ACACA: variants seen among roughly 807,000 people sequenced by gnomAD.
The protein encoded by ACACA is acetyl-CoA carboxylase 1.
In ACACA, 103 loss-of-function variants were observed where a neutral mutation model predicts 296.1. That is an observed-to-expected ratio of 0.35 (90% CI 0.30 to 0.41). The LOEUF (loss-of-function observed/expected upper bound fraction) is 0.41. Ranked by LOEUF, ACACA falls within the 10% of genes least tolerant of loss-of-function variation. The pLI, the probability that ACACA is intolerant of heterozygous loss-of-function variation, is 1.00. For synonymous variants in ACACA, 953 were observed against 1,038.6 expected (o/e 0.92, Z 1.58); for missense variants, 1,554 against 2,989.7 (o/e 0.52, Z 11.20).
chr17:37,381,559 C>CT (rs993530367), intron 1 of ACACA, among the ~76,000 whole-genome samples: 39 of 150,822 alleles, frequency 2.6e-4, no homozygotes, highest in Non-Finnish European at 4.4e-4. Context: ...TTACCCCATA[C>CT]TTTTTTATAT....
chr17:37,289,511 C>T (rs1320819531), intron 3 of ACACA: 3 of 1,351,394 alleles, frequency 2.2e-6, no homozygotes, highest in Non-Finnish European at 2.9e-6. Context: ...ACTTCATATC[C>T]CACGAGTATT....
intron 1 of ACACA, among the ~76,000 whole-genome samples, chr17:37,348,279 A>T (rs1456721804): frequency 7.9e-5 from 12 of 152,168 alleles, no homozygotes; most frequent in Non-Finnish European, 1.5e-4. Context: ...AAGGGCAAAA[A>T]TTTTAATCTG....
chr17:37,151,210 C>T (rs2144137376), intron 44 of ACACA, 91 bp downstream of exon 44: 6 of 1,429,102 alleles, frequency 4.2e-6, no homozygotes, highest in African/African-American at 2.8e-5. Context: ...GAAATGCTCT[C>T]ATTTGGGACT....
intron 41 of ACACA, among the ~76,000 whole-genome samples, chr17:37,163,462 A>C (rs977059270): frequency 3.9e-5 from 6 of 152,172 alleles, no homozygotes; most frequent in African/African-American, 1.4e-4. Context: ...ATAGCAACAC[A>C]AATGGACTAT....
chr17:37,104,640 T>A, intron 52 of ACACA, among the ~76,000 whole-genome samples: 1 of 152,096 alleles, frequency 6.6e-6, no homozygotes, highest in East Asian at 1.9e-4. Context: ...TTCTCCTCCA[T>A]GGTATCAAAG....
At chr17:37,144,307 C>T (rs1189299682) in intron 45 of ACACA, 1 of 552,958 alleles carries the variant, frequency 1.8e-6, no homozygotes. Flanking sequence ...GTTGTTTTTC[C>T]ACAGCGAGGC....
chr17:37,271,698 A>G (rs1041088939), intron 9 of ACACA, among the ~76,000 whole-genome samples: 1 of 151,356 alleles, frequency 6.6e-6, no homozygotes, highest in Non-Finnish European at 1.5e-5. Flanking sequence ...GGTTGGGCGT[A>G]GTGGCTCGTG....
At chr17:37,132,113 G>A (rs567117911) in intron 45 of ACACA, among the ~76,000 whole-genome samples, 14 of 152,202 alleles carry the variant, frequency 9.2e-5, no homozygotes, top group African/African-American at 2.2e-4. Context: ...TAACACCTCC[G>A]CCACGGCCAG....
intron 1 of ACACA, chr17:37,375,902 A>G: frequency 3.9e-6 from 2 of 518,470 alleles, no homozygotes; most frequent in Non-Finnish European, 6.9e-6. Context: ...AAGCAGAATT[A>G]GCCCTTTCTC....
intron 3 of ACACA, among the ~76,000 whole-genome samples, chr17:37,319,111 T>C (rs1234364601): frequency 6.6e-6 from 1 of 152,186 alleles, no homozygotes; most frequent in African/African-American, 2.4e-5. Flanking sequence ...TAACTTCCTC[T>C]TAAACGAGTC....
chr17:37,236,401 A>T (rs2080113163), intron 24 of ACACA, among the ~76,000 whole-genome samples: 1 of 152,156 alleles, frequency 6.6e-6, no homozygotes, highest in Admixed American at 6.5e-5. Flanking sequence ...TGGCAATAGG[A>T]CCAGGGGAAA....
At chr17:37,105,877 A>AG (rs1555547097) in intron 52 of ACACA, among the ~76,000 whole-genome samples, 18 of 151,348 alleles carry the variant, frequency 1.2e-4, no homozygotes, top group East Asian at 3.9e-4. Flanking sequence ...AAAAAAAAAA[A>AG]AAAGAAAGAA....
chr17:37,406,110 T>C (rs560576958), intron 1 of ACACA, 152 bp downstream of exon 1: 16 of 818,678 alleles, frequency 2.0e-5, no homozygotes, highest in East Asian at 7.3e-5. Flanking sequence ...ACCTGGAAAA[T>C]AGGGATAACA....
chr17:37,207,834 G>A (rs2078575072), intron 30 of ACACA, 34 bp from the exon 31 acceptor site: 2 of 1,610,280 alleles, frequency 1.2e-6, no homozygotes, highest in Middle Eastern at 1.7e-4. Flanking sequence ...CATTAGACAA[G>A]GAGGGTAGGA....
Position 37,203,974 on chromosome 17 carries a change from G to A in ACACA, c.4056+1791C>T, listed in dbSNP as rs114646889. Among the ~76,000 whole-genome samples the A allele has an allele frequency of 6.7e-3, 1,019 of 152,230 alleles. 9 individuals are homozygous for A. Among genetic ancestry groups the A allele is most frequent in the African/African-American group, 0.023 (942 of 41,538 alleles). ...TAGTTAGTTTAAGTGCTACAACACC[G>A]TCATGGAATAAGTACTAAGACTCAT... is the stretch of plus-strand genomic sequence containing the variant. On this transcript the variant is annotated intron_variant, in intron 33 of 55. Transcript: ENST00000616317.
intron 24 of ACACA, among the ~76,000 whole-genome samples, chr17:37,239,270 T>A (rs2145907558): frequency 6.6e-6 from 1 of 152,328 alleles, no homozygotes; most frequent in South Asian, 2.1e-4. Flanking sequence ...AATCTGTGAA[T>A]CCTTTGAGGC....
intron 42 of ACACA, among the ~76,000 whole-genome samples, chr17:37,158,508 T>C (rs1442829966): frequency 2.6e-5 from 4 of 152,038 alleles, no homozygotes; most frequent in African/African-American, 7.3e-5. Context: ...TGCATGGTTG[T>C]AGTCCCAGTT....
At position 37,328,254 on chromosome 17, in the gene ACACA, T is replaced by C. The variant is rs537857993; in HGVS notation, c.338+1919A>G. Among the ~76,000 whole-genome samples the C allele has an allele frequency of 5.3e-5, 8 of 152,320 alleles. No individual in the cohort carries two copies. The East Asian group carries it at 1.2e-3, about 22-fold the overall frequency. ...CAAGTTATTTCTCCTCATTGGGCCT[T>C]AGTTTTCCCAACTATCAAAAAGTAT... On this transcript the variant is annotated intron_variant, in intron 3 of 55. Transcript: ENST00000616317.
intron 3 of ACACA, among the ~76,000 whole-genome samples, chr17:37,309,972 C>T (rs1188631311): frequency 6.6e-6 from 1 of 151,960 alleles, no homozygotes; most frequent in African/African-American, 2.4e-5. Flanking sequence ...AGCCCAGAAG[C>T]TTGAGGCTGC....
Sources: gnomAD v4.1 joint callset for allele counts (sites outside exome capture counted in the v4.1 genomes callset) on GRCh38, gnomAD v4.1.1 for gene constraint, MANE v1.5 for transcripts, NCBI Gene and HGNC (gene_info 2026-07-23, HGNC 2026-07-21) for gene names.